PPARGC1A: variants seen among roughly 807,000 people sequenced by gnomAD.
PPARGC1A encodes the protein peroxisome proliferator-activated receptor gamma coactivator 1-alpha.
In PPARGC1A, 25 loss-of-function variants were observed where a neutral mutation model predicts 88.7. That is an observed-to-expected ratio of 0.28 (90% CI 0.21 to 0.39). PPARGC1A has a LOEUF of 0.39. Ranked by LOEUF, PPARGC1A falls within the 10% of genes least tolerant of loss-of-function variation. The pLI is 1.00. For missense variants in PPARGC1A, 880 were observed against 968.7 expected (o/e 0.91, Z 1.22); for synonymous variants, 363 against 355.6 (o/e 1.02, Z -0.24).
chr4:23,912,351 A>T, the PPARGC1A span, among the ~76,000 whole-genome samples: 1 of 152,176 alleles, frequency 6.6e-6, no homozygotes, highest in Non-Finnish European at 1.5e-5. Flanking sequence ...CGTATAAAGT[A>T]GGAATCACCA....
At chr4:23,801,619 C>G in intron 12 of PPARGC1A, 111 bp downstream of exon 12, 1 of 1,195,214 alleles carries the variant, frequency 8.4e-7, no homozygotes. Flanking sequence ...CAAACATTCC[C>G]TTTAGTAAAA....
chr4:24,229,303 G>A, the PPARGC1A span, among the ~76,000 whole-genome samples: 11 of 150,642 alleles, frequency 7.3e-5, no homozygotes, highest in African/African-American at 2.2e-4. Flanking sequence ...ACAGACACGC[G>A]CCACCACGCT....
the PPARGC1A span, among the ~76,000 whole-genome samples, chr4:24,397,073 T>C: frequency 2.6e-5 from 4 of 152,230 alleles, no homozygotes; most frequent in East Asian, 7.7e-4. Context: ...TCCATGCACA[T>C]GAGACGTGAA....
At chr4:24,094,827 C>T in the PPARGC1A span, among the ~76,000 whole-genome samples, 9 of 151,662 alleles carry the variant, frequency 5.9e-5, no homozygotes, top group African/African-American at 2.2e-4. Flanking sequence ...TTTTTTTCTT[C>T]TTTGTTGGAT....
chr4:24,312,633 C>CAAAAA, the PPARGC1A span, among the ~76,000 whole-genome samples: 1 of 126,034 alleles, frequency 7.9e-6, no homozygotes, highest in Non-Finnish European at 1.6e-5. Flanking sequence ...TTTCATCAAC[C>CAAAAA]AAAAAAAAAA....
chr4:23,860,927 G>T (rs997710739), intron 2 of PPARGC1A, among the ~76,000 whole-genome samples: 1 of 152,110 alleles, frequency 6.6e-6, no homozygotes, highest in African/African-American at 2.4e-5. Flanking sequence ...GGATGACTAG[G>T]CTCCCAGGAA....
the PPARGC1A span, among the ~76,000 whole-genome samples, chr4:24,378,002 T>A: frequency 6.6e-6 from 1 of 152,200 alleles, no homozygotes; most frequent in Non-Finnish European, 1.5e-5. Context: ...TTGCTTCAGC[T>A]TTACAACCTA....
the PPARGC1A span, among the ~76,000 whole-genome samples, chr4:24,442,658 T>C: frequency 6.6e-6 from 1 of 152,350 alleles, no homozygotes; most frequent in Non-Finnish European, 1.5e-5. Flanking sequence ...GGGGGCTATC[T>C]GCCACATACA....
chr4:24,019,049 C>T, the PPARGC1A span, among the ~76,000 whole-genome samples: 3 of 152,254 alleles, frequency 2.0e-5, no homozygotes, highest in Admixed American at 6.5e-5. Flanking sequence ...TCATGTTTCA[C>T]TTAAATTATT....
chr4:24,263,487 A>G, the PPARGC1A span, among the ~76,000 whole-genome samples: 1 of 150,588 alleles, frequency 6.6e-6, no homozygotes. Context: ...ACACACACAG[A>G]GTTGACCCTT....
chr4:24,027,217 GTCTGTGTGTC>G, the PPARGC1A span, among the ~76,000 whole-genome samples: 29 of 148,734 alleles, frequency 1.9e-4, no homozygotes, highest in African/African-American at 2.7e-4. Context: ...GTGTGTGTGT[GTCTGTGTGTC>G]TGTGTGTGTC....
the PPARGC1A span, among the ~76,000 whole-genome samples, chr4:24,105,047 A>G: frequency 1.3e-5 from 2 of 152,216 alleles, no homozygotes; most frequent in African/African-American, 4.8e-5. Flanking sequence ...TGAGCACTCA[A>G]TGAATGGGTG....
chr4:24,220,911 T>A, the PPARGC1A span, among the ~76,000 whole-genome samples: 5 of 152,184 alleles, frequency 3.3e-5, no homozygotes, highest in African/African-American at 4.8e-5. Context: ...GTTTTACAAT[T>A]CCTTTGCACA....
At chr4:24,103,079 C>A in the PPARGC1A span, among the ~76,000 whole-genome samples, 2 of 152,196 alleles carry the variant, frequency 1.3e-5, no homozygotes, top group African/African-American at 4.8e-5. Context: ...TGACCAGCTG[C>A]AACACCCCAT....
chr4:24,445,634 T>C, the PPARGC1A span, among the ~76,000 whole-genome samples: 1 of 152,182 alleles, frequency 6.6e-6, no homozygotes, highest in East Asian at 1.9e-4. Flanking sequence ...GTAGCTCCTT[T>C]AATCTGGGTG....
At chr4:23,835,800 T>C (rs1039360170) in intron 2 of PPARGC1A, among the ~76,000 whole-genome samples, 1 of 152,212 alleles carries the variant, frequency 6.6e-6, no homozygotes, top group African/African-American at 2.4e-5. Flanking sequence ...GTTGAGTGGA[T>C]ATTGCCCCTC....
At chr4:24,423,188 A>C in the PPARGC1A span, among the ~76,000 whole-genome samples, 1 of 152,118 alleles carries the variant, frequency 6.6e-6, no homozygotes, top group Admixed American at 6.5e-5. Flanking sequence ...CTCCCTCTGG[A>C]GGTCTGTAGA....
chr4:23,964,585 G>A, the PPARGC1A span, among the ~76,000 whole-genome samples: 5 of 152,196 alleles, frequency 3.3e-5, no homozygotes, highest in Non-Finnish European at 7.3e-5. Context: ...GTGGTATATG[G>A]ATCTGGGTCT....
chr4:24,006,980 A>T, the PPARGC1A span, among the ~76,000 whole-genome samples: 1 of 152,182 alleles, frequency 6.6e-6, no homozygotes, highest in African/African-American at 2.4e-5. Flanking sequence ...TAAAATGGAC[A>T]TCTTTCCACA....
Sources: allele counts gnomAD v4.1 joint callset (sites outside exome capture counted in the v4.1 genomes callset), GRCh38; gene constraint gnomAD v4.1.1; transcripts MANE v1.5; gene names NCBI Gene and HGNC (gene_info 2026-07-23, HGNC 2026-07-21).